LRFN2: variants seen among roughly 807,000 people sequenced by gnomAD.
LRFN2 encodes leucine rich repeat and fibronectin type III domain containing 2, also known as leucine-rich repeat and fibronectin type-III domain-containing protein 2.
In LRFN2, 18 loss-of-function variants were observed where a neutral mutation model predicts 37.3. That is an observed-to-expected ratio of 0.48 (90% confidence interval 0.33 to 0.72). The LOEUF (loss-of-function observed/expected upper bound fraction) is 0.72. LRFN2 is among the 30% of genes least tolerant of loss of function. The pLI is 0.02. For synonymous variants in LRFN2, 556 were observed against 466.6 expected (o/e 1.19, Z -2.47); for missense variants, 1,006 against 1,060.7 (o/e 0.95, Z 0.72).
intron 1 of LRFN2, among the ~76,000 whole-genome samples, chr6:40,561,989 C>T (rs1767003285): frequency 6.6e-6 from 1 of 152,138 alleles, no homozygotes; most frequent in Non-Finnish European, 1.5e-5. Flanking sequence ...GTGTCTGGCT[C>T]ATAGCAGGTA....
intron 1 of LRFN2, among the ~76,000 whole-genome samples, chr6:40,511,661 C>G (rs1401540081): frequency 6.6e-6 from 1 of 152,082 alleles, no homozygotes; most frequent in Non-Finnish European, 1.5e-5. Context: ...TTCCAGGAAG[C>G]ATGTGGGCCA....
chr6:40,577,402 C>T (rs1767307478), intron 1 of LRFN2, among the ~76,000 whole-genome samples: 1 of 151,932 alleles, frequency 6.6e-6, no homozygotes, highest in South Asian at 2.1e-4. Flanking sequence ...GCACCAAGCC[C>T]CCAAGGCCCA....
chr6:40,545,452 C>T (rs1250843539), intron 1 of LRFN2, among the ~76,000 whole-genome samples: 2 of 152,200 alleles, frequency 1.3e-5, no homozygotes, highest in Admixed American at 6.5e-5. Flanking sequence ...TCATTGAAAA[C>T]AAACTGACTG....
rs571770346 is a variant in LRFN2, at chr6:40,425,851, T to C, written c.1400+5863A>G. 5.8e-4 allele frequency among the ~76,000 whole-genome samples: 89 copies of C among 152,358 alleles called. 1 individual carries two copies. The highest frequency in any genetic ancestry group is 1.8e-3 in the African/African-American group (76 of 41,592). On this transcript the variant is annotated intron_variant, in intron 2 of 2. Transcript: ENST00000338305. ...GCTGAAAAAAGCGCAAAGCACTGTT[T>C]TATACAGCCTAATTCAAATCTGGTC...
At chr6:40,511,210 C>A (rs1482519741) in intron 1 of LRFN2, among the ~76,000 whole-genome samples, 1 of 152,142 alleles carries the variant, frequency 6.6e-6, no homozygotes, top group African/African-American at 2.4e-5. Flanking sequence ...TACTGAGGAA[C>A]TTTAGGGCCT....
At chr6:40,436,552 A>C (rs1212096015) in intron 1 of LRFN2, among the ~76,000 whole-genome samples, 1 of 151,980 alleles carries the variant, frequency 6.6e-6, no homozygotes, top group Non-Finnish European at 1.5e-5. Context: ...CAAAGTGCCG[A>C]GTTCCACACA....
intron 1 of LRFN2, among the ~76,000 whole-genome samples, chr6:40,492,344 G>C (rs9367060): frequency 6.6e-6 from 1 of 151,758 alleles, no homozygotes; most frequent in Non-Finnish European, 1.5e-5. Context: ...GGCTGTCCCC[G>C]CCCCACAGCT....
At chr6:40,453,927 T>G (rs1764178075) in intron 1 of LRFN2, among the ~76,000 whole-genome samples, 2 of 152,112 alleles carry the variant, frequency 1.3e-5, no homozygotes, top group Admixed American at 6.5e-5. Flanking sequence ...AGCCTCTCCC[T>G]GTCTCTCCCT....
intron 1 of LRFN2, among the ~76,000 whole-genome samples, chr6:40,544,796 C>T (rs1205615263): frequency 2.6e-5 from 4 of 152,190 alleles, no homozygotes; most frequent in African/African-American, 4.8e-5. Context: ...GCCAGAGAGA[C>T]CTACTGCCAA....
intron 1 of LRFN2, among the ~76,000 whole-genome samples, chr6:40,522,206 G>T (rs766889200): frequency 5.9e-5 from 9 of 152,212 alleles, no homozygotes; most frequent in Admixed American, 2.0e-4. Context: ...AAATGGCAAT[G>T]TGGGACCGAA....
intron 1 of LRFN2, among the ~76,000 whole-genome samples, chr6:40,575,677 G>A (rs1247229907): frequency 6.6e-6 from 1 of 152,154 alleles, no homozygotes; most frequent in African/African-American, 2.4e-5. Flanking sequence ...AATGCCTCTT[G>A]TAGTACCATG....
intron 1 of LRFN2, among the ~76,000 whole-genome samples, chr6:40,510,016 C>T (rs1765658793): frequency 6.8e-6 from 1 of 146,166 alleles, no homozygotes; most frequent in Admixed American, 6.8e-5. Context: ...TGAGTGCGTG[C>T]ATGCGGGTAT....
chr6:40,457,105 A>G (rs1375638581), intron 1 of LRFN2, among the ~76,000 whole-genome samples: 1 of 151,146 alleles, frequency 6.6e-6, no homozygotes, highest in African/African-American at 2.4e-5. Flanking sequence ...CTATCAAAAC[A>G]TACCTGTTCT....
intron 1 of LRFN2, among the ~76,000 whole-genome samples, chr6:40,449,416 T>C (rs1764050765): frequency 6.6e-6 from 1 of 152,230 alleles, no homozygotes; most frequent in Admixed American, 6.5e-5. Flanking sequence ...GTTGCAGCCA[T>C]GTGACTTAGT....
At chr6:40,403,415 A>C (rs999418434) in intron 2 of LRFN2, among the ~76,000 whole-genome samples, 4 of 152,170 alleles carry the variant, frequency 2.6e-5, no homozygotes, top group Non-Finnish European at 4.4e-5. Context: ...AGTTGGGGCC[A>C]GGGACCAGAG....
At chr6:40,489,246 G>A (rs1456698379) in intron 1 of LRFN2, among the ~76,000 whole-genome samples, 13 of 152,194 alleles carry the variant, frequency 8.5e-5, no homozygotes, top group East Asian at 1.9e-4. Flanking sequence ...ACAAAAACAC[G>A]AACAACAGAA....
At chr6:40,431,632 G>A in intron 2 of LRFN2, 82 bp downstream of exon 2, 1 of 1,258,686 alleles carries the variant, frequency 7.9e-7, no homozygotes, top group Non-Finnish European at 1.1e-6. Context: ...GGTATAGGTG[G>A]GAGCAGCCCC....
chr6:40,429,477 A>T (rs1376815334), intron 2 of LRFN2, among the ~76,000 whole-genome samples: 1 of 152,266 alleles, frequency 6.6e-6, no homozygotes, highest in Admixed American at 6.5e-5. Flanking sequence ...TTTATTTTCA[A>T]AAGGTCAACC....
chr6:40,428,384 A>G (rs1763403013), intron 2 of LRFN2, among the ~76,000 whole-genome samples: 1 of 152,204 alleles, frequency 6.6e-6, no homozygotes, highest in Non-Finnish European at 1.5e-5. Context: ...TTTAATACTC[A>G]TCTTCAGATA....
Sources: allele counts gnomAD v4.1 joint callset (sites outside exome capture counted in the v4.1 genomes callset), GRCh38; gene constraint gnomAD v4.1.1; transcripts MANE v1.5; gene names NCBI Gene and HGNC (gene_info 2026-07-23, HGNC 2026-07-21).